Variants in RASEF observed in about 807,000 individuals in gnomAD.
The protein encoded by RASEF is RAS and EF-hand domain containing.
A neutral mutation model predicts 90.1 loss-of-function variants in RASEF; 68 were observed. The observed-to-expected ratio is 0.75, with a 90% CI of 0.62 to 0.92. The LOEUF is 0.92. Ranked by LOEUF, RASEF falls within the 40% of genes least tolerant of loss-of-function variation. RASEF has a pLI of 0.00. For synonymous variants in RASEF, 331 were observed against 345.2 expected (o/e 0.96, Z 0.46); for missense variants, 949 against 937.2 (o/e 1.01, Z -0.16).
At chr9:83,164,373 A>ATGTG in the RASEF span, among the ~76,000 whole-genome samples, 5 of 141,974 alleles carry the variant, frequency 3.5e-5, no homozygotes, top group Admixed American at 2.1e-4. Flanking sequence ...ATATATATAT[A>ATGTG]TGTGTGTGTG....
chr9:83,114,319 A>G, the RASEF span, among the ~76,000 whole-genome samples: 4 of 152,104 alleles, frequency 2.6e-5, no homozygotes, highest in African/African-American at 9.7e-5. Flanking sequence ...TCTAATCTTA[A>G]TCCCGTCAAC....
chr9:83,024,699 C>T (rs889510682), intron 2 of RASEF, among the ~76,000 whole-genome samples: 1 of 152,208 alleles, frequency 6.6e-6, no homozygotes, highest in African/African-American at 2.4e-5. Flanking sequence ...CTTGGCTTGA[C>T]TCCAGGACGA....
At chr9:83,164,373 A>ATATATATATG in the RASEF span, among the ~76,000 whole-genome samples, 648 of 141,922 alleles carry the variant, frequency 4.6e-3, 2 homozygotes, top group Admixed American at 0.011. Context: ...ATATATATAT[A>ATATATATATG]TGTGTGTGTG....
At chr9:83,044,959 A>C (rs1410848889) in intron 1 of RASEF, among the ~76,000 whole-genome samples, 2 of 152,192 alleles carry the variant, frequency 1.3e-5, no homozygotes, top group Non-Finnish European at 2.9e-5. Flanking sequence ...TTCTGCTAGC[A>C]GATGACCTTT....
At chr9:83,058,466 G>A (rs1156941755) in intron 1 of RASEF, among the ~76,000 whole-genome samples, 1 of 147,944 alleles carries the variant, frequency 6.8e-6, no homozygotes, top group Non-Finnish European at 1.5e-5. Flanking sequence ...ACAGGCGTGA[G>A]CCACCGCGCC....
upstream of RASEF, among the ~76,000 whole-genome samples, chr9:83,063,406 G>A (rs565610735): frequency 6.6e-6 from 1 of 152,340 alleles, no homozygotes; most frequent in Non-Finnish European, 1.5e-5. Flanking sequence ...GAAGCTAACC[G>A]CACAGAGGTA....
the RASEF span, among the ~76,000 whole-genome samples, chr9:83,173,257 T>C: frequency 1.3e-5 from 2 of 151,972 alleles, no homozygotes; most frequent in African/African-American, 4.8e-5. Flanking sequence ...TGGTGTCTTG[T>C]TGCACCTGGA....
intron 1 of RASEF, among the ~76,000 whole-genome samples, chr9:83,040,899 C>T (rs1164300928): frequency 2.6e-5 from 4 of 152,118 alleles, no homozygotes; most frequent in East Asian, 1.9e-4. Context: ...TCACTCTTGT[C>T]GCCCAGGCTG....
Position 82,993,036 on chromosome 9 carries a change from G to GAA in RASEF, c.1921-13_1921-12dup. 5 of 1,438,588 alleles carry GAA rather than the reference G, an allele frequency of 3.5e-6. No homozygotes were observed. Among genetic ancestry groups the GAA allele is most frequent in the Admixed American group, 2.0e-5 (1 of 49,194 alleles). The allele number at this position is 1,438,588 out of a possible 1,614,324, so 89.1% of individuals were successfully genotyped here. On this transcript the variant is annotated splice_polypyrimidine_tract_variant and intron_variant, in intron 14 of 16. Transcript: ENST00000376447. ...CTCATGGGCTGCATCCTACCAGGAA[G>GAA]AAAAAAAAAATGGGGCACACATCAA...
At chr9:83,052,984 T>C (rs929478187) in intron 1 of RASEF, among the ~76,000 whole-genome samples, 2 of 133,614 alleles carry the variant, frequency 1.5e-5, no homozygotes, top group Admixed American at 7.4e-5. Context: ...AATTTTGGAA[T>C]AGGTGTGGTG....
the RASEF span, among the ~76,000 whole-genome samples, chr9:83,140,904 A>C: frequency 6.6e-6 from 1 of 152,140 alleles, no homozygotes; most frequent in Non-Finnish European, 1.5e-5. Context: ...GCACTTTGGG[A>C]GACCAAGGCC....
At chr9:83,100,690 A>G in the RASEF span, among the ~76,000 whole-genome samples, 1 of 152,170 alleles carries the variant, frequency 6.6e-6, no homozygotes, top group Non-Finnish European at 1.5e-5. Flanking sequence ...GACCTGTACC[A>G]TACCTCTTGC....
chr9:83,105,983 C>T, the RASEF span, among the ~76,000 whole-genome samples: 8 of 152,250 alleles, frequency 5.3e-5, no homozygotes, highest in Middle Eastern at 6.8e-3. Context: ...AGTGACCACT[C>T]CCCTCAAAGA....
intron 1 of RASEF, among the ~76,000 whole-genome samples, chr9:83,046,211 T>A (rs1829927087): frequency 6.6e-6 from 1 of 152,260 alleles, no homozygotes; most frequent in African/African-American, 2.4e-5. Context: ...TAGTACCCAA[T>A]AGTTATCATT....
chr9:83,046,517 T>G (rs1829933432), intron 1 of RASEF, among the ~76,000 whole-genome samples: 1 of 152,180 alleles, frequency 6.6e-6, no homozygotes, highest in Non-Finnish European at 1.5e-5. Context: ...TCTGCCAGTT[T>G]GAAGTACATG....
At chr9:83,017,091 C>T (rs1215612631) in intron 3 of RASEF, among the ~76,000 whole-genome samples, 1 of 152,120 alleles carries the variant, frequency 6.6e-6, no homozygotes, top group African/African-American at 2.4e-5. Flanking sequence ...CAATGAGGTG[C>T]TAATGAGGCA....
the RASEF span, among the ~76,000 whole-genome samples, chr9:83,172,017 G>A: frequency 2.0e-5 from 3 of 151,618 alleles, no homozygotes; most frequent in African/African-American, 7.2e-5. Context: ...TTTATTTGAA[G>A]TCTTTCTACT....
At chr9:83,147,982 T>C in the RASEF span, among the ~76,000 whole-genome samples, 2 of 151,896 alleles carry the variant, frequency 1.3e-5, no homozygotes, top group Non-Finnish European at 2.9e-5. Flanking sequence ...GCTCATCTGC[T>C]TGTGGAGCCT....
At chr9:83,013,488 C>A (rs1829286408) in intron 4 of RASEF, among the ~76,000 whole-genome samples, 1 of 152,166 alleles carries the variant, frequency 6.6e-6, no homozygotes, top group Non-Finnish European at 1.5e-5. Context: ...AGAAGAAAAA[C>A]CATCGGGAAA....
Sources: gnomAD v4.1 joint callset for allele counts (sites outside exome capture counted in the v4.1 genomes callset) on GRCh38, gnomAD v4.1.1 for gene constraint, MANE v1.5 for transcripts, NCBI Gene and HGNC (gene_info 2026-07-23, HGNC 2026-07-21) for gene names.